Variants in PTPRD observed in about 807,000 individuals in gnomAD.
PTPRD encodes receptor-type tyrosine-protein phosphatase delta.
A neutral mutation model predicts 214.5 loss-of-function variants in PTPRD; 34 were observed. The ratio of observed to expected loss-of-function variants is 0.16; its 90% confidence interval spans 0.12 to 0.21. The LOEUF (loss-of-function observed/expected upper bound fraction) is 0.21, where lower values mean the gene tolerates loss of function less well. Among genes scored for constraint, PTPRD ranks in the 10% least tolerant of loss-of-function variants. The probability of loss-of-function intolerance (pLI) is 1.00; values close to 1 mark genes in which losing one functional copy is unlikely to be tolerated. For synonymous variants in PTPRD, 1,128 were observed against 845.7 expected, an observed-to-expected ratio of 1.33 and a Z score of -5.79; for missense variants, 2,545 against 2,398.7, an observed-to-expected ratio of 1.06 and a Z score of -1.27.
At chr9:10,034,460 G>A (rs1461255749) in intron 3 of PTPRD, among the ~76,000 whole-genome samples, 1 of 133,940 alleles carries the variant, frequency 7.5e-6, no homozygotes, top group African/African-American at 2.8e-5. Context: ...GGGTACATGT[G>A]CAGTTTTGTT....
At chr9:9,410,401 A>G (rs2075008901) in intron 8 of PTPRD, among the ~76,000 whole-genome samples, 3 of 152,294 alleles carry the variant, frequency 2.0e-5, no homozygotes, top group South Asian at 2.1e-4. Flanking sequence ...TGTCATTGCC[A>G]TTCATATTTC....
At chr9:8,456,364 G>C (rs1267513030) in intron 33 of PTPRD, among the ~76,000 whole-genome samples, 1 of 152,100 alleles carries the variant, frequency 6.6e-6, no homozygotes, top group Non-Finnish European at 1.5e-5. Flanking sequence ...AATGAGGCAG[G>C]CACCCAGAAA....
chr9:9,983,323 T>C (rs922387953), intron 4 of PTPRD, among the ~76,000 whole-genome samples: 3 of 152,228 alleles, frequency 2.0e-5, no homozygotes, highest in African/African-American at 4.8e-5. Flanking sequence ...GGAATCTTAG[T>C]GCAGAGTCAA....
At chr9:10,031,389 G>C (rs10120417) in intron 4 of PTPRD, among the ~76,000 whole-genome samples, 30,964 of 151,146 alleles carry the variant, frequency 0.2, 3,625 homozygotes, top group East Asian at 0.49. Flanking sequence ...AATCTGGCAG[G>C]CACCATCTAA....
chr9:8,459,532 A>C (rs1000719967), intron 33 of PTPRD, among the ~76,000 whole-genome samples: 1 of 152,188 alleles, frequency 6.6e-6, no homozygotes, highest in African/African-American at 2.4e-5. Context: ...TTATATTATA[A>C]TTATATTCTT....
At chr9:9,117,909 GT>G (rs1240068547) in intron 10 of PTPRD, among the ~76,000 whole-genome samples, 1 of 152,072 alleles carries the variant, frequency 6.6e-6, no homozygotes, top group African/African-American at 2.4e-5. Context: ...ATGGATCCAG[GT>G]TTTGTGGCAT....
chr9:9,341,254 T>A (rs1203257819), intron 9 of PTPRD, among the ~76,000 whole-genome samples: 2 of 152,034 alleles, frequency 1.3e-5, no homozygotes, highest in Admixed American at 6.6e-5. Flanking sequence ...CTATTTAACC[T>A]CCATCTGTAG....
At chr9:8,363,761 AAGAC>A (rs1490971592) in intron 39 of PTPRD, among the ~76,000 whole-genome samples, 3 of 152,166 alleles carry the variant, frequency 2.0e-5, no homozygotes, top group Non-Finnish European at 4.4e-5. Context: ...GGAGAGTTTG[AAGAC>A]AGACAGCCCC....
At chr9:9,711,226 G>T (rs534015756) in intron 7 of PTPRD, among the ~76,000 whole-genome samples, 2 of 152,182 alleles carry the variant, frequency 1.3e-5, no homozygotes, top group East Asian at 3.9e-4. Flanking sequence ...TTTAAAAAAT[G>T]CAGTGATGTG....
At chr9:10,518,812 G>A (rs148573956) in intron 2 of PTPRD, among the ~76,000 whole-genome samples, 4,857 of 151,700 alleles carry the variant, frequency 0.032, 180 homozygotes, top group East Asian at 0.17. Context: ...GATTACAGGC[G>A]TGAGCCACCG....
intron 2 of PTPRD, among the ~76,000 whole-genome samples, chr9:10,538,367 G>T (rs1200493784): frequency 6.6e-6 from 1 of 151,934 alleles, no homozygotes; most frequent in African/African-American, 2.4e-5. Flanking sequence ...CAATGACTTT[G>T]TTCATATTTC....
chr9:9,076,966 C>T (rs866401417), intron 10 of PTPRD, among the ~76,000 whole-genome samples: 44 of 151,926 alleles, frequency 2.9e-4, no homozygotes, highest in African/African-American at 8.9e-4. Context: ...GTAGAATTTG[C>T]TGTTGCCTGT....
At chr9:8,374,684 A>C (rs2134684513) in intron 39 of PTPRD, among the ~76,000 whole-genome samples, 1 of 152,156 alleles carries the variant, frequency 6.6e-6, no homozygotes, top group South Asian at 2.1e-4. Context: ...ACATCAAACA[A>C]AATAAAGCAT....
At chr9:10,207,933 T>C (rs1208197164) in intron 3 of PTPRD, among the ~76,000 whole-genome samples, 3 of 152,182 alleles carry the variant, frequency 2.0e-5, no homozygotes, top group Non-Finnish European at 4.4e-5. Context: ...CATTTAGCAG[T>C]GCATCAATTC....
intron 11 of PTPRD, among the ~76,000 whole-genome samples, chr9:8,742,734 G>A (rs1041807726): frequency 6.6e-6 from 1 of 152,182 alleles, no homozygotes; most frequent in East Asian, 1.9e-4. Context: ...AGAATAAAGT[G>A]AAGGACCTTT....
In PTPRD at chr9:9,210,667, G is replaced by C. The variant is rs73641260; in HGVS notation, c.-202-27304C>G. ...ATTATTACTTTCATACAAATGACTT[G>C]CCACATGCCACATGCCACATACATG... On this transcript the variant is annotated intron_variant, in intron 9 of 45. Coordinates refer to ENST00000381196, the MANE Select transcript of PTPRD (RefSeq NM_002839.4). Among the ~76,000 whole-genome samples, 51 of 151,848 alleles carry C rather than the reference G, an allele frequency of 3.4e-4. 1 individual carries two copies. Among genetic ancestry groups the C allele is most frequent in the African/African-American group, 1.2e-3 (50 of 41,444 alleles).
chr9:9,335,255 C>T (rs2043975820), intron 9 of PTPRD, among the ~76,000 whole-genome samples: 1 of 151,896 alleles, frequency 6.6e-6, no homozygotes, highest in African/African-American at 2.4e-5. Context: ...GAATTTCATC[C>T]CCAGTTGAAT....
chr9:10,585,469 G>A (rs72702857), intron 2 of PTPRD, among the ~76,000 whole-genome samples: 39,600 of 151,616 alleles, frequency 0.26, 5,446 homozygotes, highest in Middle Eastern at 0.41. Context: ...AAAAAATCAC[G>A]TTTCTCCAGA....
chr9:9,111,226 A>G (rs1226470338), intron 10 of PTPRD, among the ~76,000 whole-genome samples: 2 of 151,022 alleles, frequency 1.3e-5, no homozygotes, highest in Non-Finnish European at 2.9e-5. Context: ...AAAAAAAAAG[A>G]AAAGTGTTCA....
Sources: gnomAD v4.1 joint callset for allele counts (sites outside exome capture counted in the v4.1 genomes callset) on GRCh38, gnomAD v4.1.1 for gene constraint, MANE v1.5 for transcripts, NCBI Gene and HGNC (gene_info 2026-07-23, HGNC 2026-07-21) for gene names.